Variants in DLG2 observed in about 807,000 individuals in gnomAD.
DLG2 encodes the protein discs large MAGUK scaffold protein 2.
A neutral mutation model predicts 132.5 loss-of-function variants in DLG2; 45 were observed. That is an observed-to-expected ratio of 0.34 (90% CI 0.27 to 0.44). DLG2 has a LOEUF of 0.44. Among genes scored for constraint, DLG2 ranks in the 20% least tolerant of loss-of-function variants. DLG2 has a pLI of 1.00. For synonymous variants in DLG2, 424 were observed against 419.6 expected (o/e 1.01, Z -0.13); for missense variants, 1,045 against 1,196.9 (o/e 0.87, Z 1.87).
chr11:84,844,447 T>C (rs1273499265), intron 6 of DLG2, among the ~76,000 whole-genome samples: 1 of 151,862 alleles, frequency 6.6e-6, no homozygotes, highest in East Asian at 1.9e-4. Context: ...TTTCTCTTCA[T>C]CCCTCCAGGG....
intron 4 of DLG2, among the ~76,000 whole-genome samples, chr11:85,170,210 T>C (rs1040664637): frequency 3.9e-5 from 6 of 152,128 alleles, no homozygotes; most frequent in African/African-American, 1.4e-4. Context: ...AGGGGTATGA[T>C]CTAATGGTAA....
rs780449803 is a variant in DLG2 at position 83,532,738 on chromosome 11, A to AAACTG, written c.2162_2163insCAGTT (p.Ala722SerfsTer7). On this transcript the variant is annotated frameshift_variant, in exon 21 of 28. Transcript: ENST00000376104. LOFTEE classifies it high-confidence loss of function. ...TCGAATCAATCACTCCAGGTTTGGC[A>AAACTG]TTAAACTTCACTGTCTTCAATCGGG... The AAACTG allele has an allele frequency of 1.6e-5, 26 of 1,613,132 alleles. No homozygotes were observed. Among genetic ancestry groups the AAACTG allele is most frequent in the Non-Finnish European group, 2.2e-5 (26 of 1,179,482 alleles).
chr11:84,696,055 A>G (rs904267165), intron 6 of DLG2, among the ~76,000 whole-genome samples: 3 of 151,564 alleles, frequency 2.0e-5, no homozygotes, highest in East Asian at 3.9e-4. Context: ...ATGGTCTCCA[A>G]AGTAAGATGG....
intron 9 of DLG2, among the ~76,000 whole-genome samples, chr11:84,113,394 G>T (rs1340671528): frequency 1.3e-5 from 2 of 152,110 alleles, no homozygotes; most frequent in African/African-American, 2.4e-5. Flanking sequence ...TTACTTAAAA[G>T]AATGACTGAC....
chr11:84,814,092 G>A (rs2076849424), intron 6 of DLG2, among the ~76,000 whole-genome samples: 1 of 152,044 alleles, frequency 6.6e-6, no homozygotes, highest in African/African-American at 2.4e-5. Flanking sequence ...CACTGCTGTG[G>A]CTTTAGCGAA....
At chr11:83,626,666 G>A (rs960697213) in intron 19 of DLG2, among the ~76,000 whole-genome samples, 4 of 152,150 alleles carry the variant, frequency 2.6e-5, no homozygotes, top group African/African-American at 4.8e-5. Context: ...ATGAGCAGAG[G>A]GCTGGAAAGG....
intron 7 of DLG2, among the ~76,000 whole-genome samples, chr11:84,498,192 T>C (rs182589025): frequency 3.3e-5 from 5 of 152,222 alleles, no homozygotes; most frequent in African/African-American, 1.2e-4. Context: ...TTTGGCATGA[T>C]AGTCAACATT....
chr11:85,293,426 A>G (rs1309886567), intron 3 of DLG2, among the ~76,000 whole-genome samples: 2 of 152,146 alleles, frequency 1.3e-5, no homozygotes, highest in Non-Finnish European at 2.9e-5. Context: ...TACTTATAAA[A>G]TTATTTTTTA....
intron 11 of DLG2, among the ~76,000 whole-genome samples, chr11:83,987,112 GT>G (rs1284871222): frequency 2.0e-5 from 3 of 151,906 alleles, no homozygotes; most frequent in Admixed American, 2.0e-4. Flanking sequence ...TGTTTTTGGT[GT>G]TTTAGACATG....
chr11:85,114,851 G>C (rs1467678102), intron 5 of DLG2, among the ~76,000 whole-genome samples: 1 of 151,910 alleles, frequency 6.6e-6, no homozygotes. Context: ...TTGTGTATCA[G>C]GGGCTTATAC....
chr11:84,463,907 A>G (rs906343696), intron 7 of DLG2, among the ~76,000 whole-genome samples: 14 of 151,260 alleles, frequency 9.3e-5, no homozygotes, highest in Non-Finnish European at 1.5e-4. Context: ...GAAAGGGAGA[A>G]GGGGGAATGT....
intron 6 of DLG2, among the ~76,000 whole-genome samples, chr11:84,878,633 T>C (rs1232000572): frequency 2.0e-5 from 3 of 151,968 alleles, no homozygotes; most frequent in African/African-American, 7.3e-5. Flanking sequence ...TGCAGCAAAC[T>C]ACATGGCACA....
At chr11:85,319,771 T>A (rs1006832047) in intron 3 of DLG2, among the ~76,000 whole-genome samples, 1 of 151,854 alleles carries the variant, frequency 6.6e-6, no homozygotes, top group African/African-American at 2.4e-5. Context: ...TTATTTATGC[T>A]CTCTAATTCT....
chr11:84,313,341 C>A (rs1179578229), intron 7 of DLG2, among the ~76,000 whole-genome samples: 2 of 150,334 alleles, frequency 1.3e-5, no homozygotes, highest in East Asian at 4.0e-4. Flanking sequence ...TCTTGAACTT[C>A]TGGCCTCTAG....
chr11:84,489,188 T>G (rs1032369035), intron 7 of DLG2, among the ~76,000 whole-genome samples: 6 of 152,132 alleles, frequency 3.9e-5, no homozygotes, highest in Admixed American at 1.3e-4. Flanking sequence ...AAGTTTATGA[T>G]AGTATAAAAC....
At chr11:84,342,687 A>T (rs113572816) in intron 7 of DLG2, among the ~76,000 whole-genome samples, 12 of 152,330 alleles carry the variant, frequency 7.9e-5, no homozygotes, top group African/African-American at 2.9e-4. Context: ...TGATTAGCTT[A>T]TTATAACTAC....
At chr11:84,404,164 C>A (rs969861612) in intron 7 of DLG2, among the ~76,000 whole-genome samples, 1 of 152,112 alleles carries the variant, frequency 6.6e-6, no homozygotes, top group African/African-American at 2.4e-5. Context: ...CTATAGTATT[C>A]TACATGATAT....
chr11:83,790,827 G>A, intron 17 of DLG2: 1 of 755,548 alleles, frequency 1.3e-6, no homozygotes, highest in East Asian at 2.4e-5. Flanking sequence ...AGGAACCACA[G>A]AGACTTCCAT....
chr11:84,019,085 C>T (rs1407444456), intron 11 of DLG2, among the ~76,000 whole-genome samples: 1 of 151,380 alleles, frequency 6.6e-6, no homozygotes, highest in Non-Finnish European at 1.5e-5. Context: ...GGATTTTTGT[C>T]TCATAATAAT....
Sources: gnomAD v4.1 joint callset for allele counts (sites outside exome capture counted in the v4.1 genomes callset) on GRCh38, gnomAD v4.1.1 for gene constraint, MANE v1.5 for transcripts, NCBI Gene and HGNC (gene_info 2026-07-23, HGNC 2026-07-21) for gene names.